SERPINB12: variants seen among roughly 807,000 people sequenced by gnomAD.
The protein encoded by SERPINB12 is serpin B12.
SERPINB12 carries 57 observed loss-of-function variants against 41.1 expected under a neutral mutation model. The observed-to-expected ratio is 1.39, with a 90% CI of 1.12 to 1.73. SERPINB12 has a LOEUF of 1.73. SERPINB12 is among the 40% of genes most tolerant of loss of function. The probability of loss-of-function intolerance (pLI) is 0.00; values close to 1 mark genes in which losing one functional copy is unlikely to be tolerated. For synonymous variants in SERPINB12, 180 were observed against 181.3 expected (o/e 0.99, Z 0.06); for missense variants, 536 against 501.9 (o/e 1.07, Z -0.65).
At chr18:63,527,547 AT>A in the SERPINB12 span, among the ~76,000 whole-genome samples, 2 of 151,920 alleles carry the variant, frequency 1.3e-5, no homozygotes, top group African/African-American at 2.4e-5. Flanking sequence ...TTGTGGCAAT[AT>A]TTTTTTTCCA....
At chr18:63,541,793 C>T (rs943711875), upstream of SERPINB12, among the ~76,000 whole-genome samples, 4 of 152,016 alleles carry the variant, frequency 2.6e-5, no homozygotes, top group Admixed American at 2.0e-4. Context: ...AGGGGAGAGA[C>T]ACCTTTTGTT....
chr18:63,546,863 G>C (rs954933701), intron 1 of SERPINB12, among the ~76,000 whole-genome samples: 1 of 152,104 alleles, frequency 6.6e-6, no homozygotes, highest in Non-Finnish European at 1.5e-5. Flanking sequence ...CAGAGGGAGG[G>C]GCAAAGTTGA....
intron 4 of SERPINB12, among the ~76,000 whole-genome samples, chr18:63,560,631 T>C (rs946382284): frequency 6.6e-6 from 1 of 152,240 alleles, no homozygotes; most frequent in Non-Finnish European, 1.5e-5. Context: ...ATTACTTACA[T>C]TCACAATGTT....
Position 63,558,466 on chromosome 18 carries a change from A to G in SERPINB12, c.283A>G (p.Thr95Ala), listed in dbSNP as rs1910756068. Residue 95 changes from threonine to alanine, a missense_variant, in exon 3 of 8, where the codon ACA becomes GCA. Coordinates refer to ENST00000382768, the MANE Select transcript of SERPINB12 (RefSeq NM_001307928.2). ...CTCTCTGGAGGGGCAGAAAAAAACG[A>G]CAGAGCCTCTGGATCAGCAGGTGAA... ...DSSLEGQKKT[T>A]EPLDQQAGSL... The G allele has an allele frequency of 1.2e-6, 2 of 1,613,208 alleles. No homozygotes were observed. Among genetic ancestry groups the G allele is most frequent in the Non-Finnish European group, 1.7e-6 (2 of 1,179,678 alleles).
rs1910291104 is a variant in SERPINB12 at position 63,542,433 on chromosome 18, T to TTTGAA, written c.-73_-69dup. On this transcript the variant is annotated 5_prime_UTR_variant, in exon 1 of 8. Coordinates refer to ENST00000382768, the MANE Select transcript of SERPINB12 (RefSeq NM_001307928.2). ...TGGTTCCTCCTCTGCTAGATTGATTTTTGAATTGACTTTATCAGAGCACAG... is the reference window on the plus strand; with the variant it reads ...TGGTTCCTCCTCTGCTAGATTGATTTTTGAATTGAATTGACTTTATCAGAGCACAG... Among the ~76,000 whole-genome samples, 1 of 152,184 alleles carries TTTGAA rather than the reference T, an allele frequency of 6.6e-6. No homozygotes were observed. The highest frequency in any genetic ancestry group is 6.5e-5 in the Admixed American group (1 of 15,284).
chr18:63,549,681 A>T (rs570850664), intron 1 of SERPINB12, among the ~76,000 whole-genome samples: 182 of 152,280 alleles, frequency 1.2e-3, no homozygotes, highest in African/African-American at 4.3e-3. Flanking sequence ...GACAAACTGG[A>T]GCTTGAGATG....
the SERPINB12 span, among the ~76,000 whole-genome samples, chr18:63,521,003 G>A: frequency 6.6e-6 from 1 of 152,208 alleles, no homozygotes; most frequent in Non-Finnish European, 1.5e-5. Context: ...TACATAAGTT[G>A]TTTTGAATTA....
intron 7 of SERPINB12, 112 bp from the exon 8 acceptor site, chr18:63,566,495 G>T (rs1006764872): frequency 1.9e-5 from 16 of 861,306 alleles, no homozygotes; most frequent in African/African-American, 6.8e-5. Flanking sequence ...TTAGGGAAAG[G>T]TCTTGAAGGT....
upstream of SERPINB12, among the ~76,000 whole-genome samples, chr18:63,539,469 AG>A (rs1267540828): frequency 7.2e-5 from 11 of 152,086 alleles, no homozygotes; most frequent in African/African-American, 2.7e-4. Flanking sequence ...TAGGAAGAGA[AG>A]GTTCTAGATA....
intron 1 of SERPINB12, among the ~76,000 whole-genome samples, chr18:63,555,036 C>G (rs1372847136): frequency 6.6e-6 from 1 of 152,102 alleles, no homozygotes; most frequent in African/African-American, 2.4e-5. Flanking sequence ...TGTAAGTTTC[C>G]TGAGGCTTCC....
upstream of SERPINB12, among the ~76,000 whole-genome samples, chr18:63,539,236 T>C (rs1391975733): frequency 6.6e-6 from 1 of 152,178 alleles, no homozygotes; most frequent in Admixed American, 6.6e-5. Flanking sequence ...TCAGTCAGAA[T>C]GGATAGGGGG....
chr18:63,547,410 C>T (rs1910413622), intron 1 of SERPINB12, among the ~76,000 whole-genome samples: 1 of 151,468 alleles, frequency 6.6e-6, no homozygotes, highest in South Asian at 2.1e-4. Context: ...GTATTGTTCA[C>T]AAGTATTTCT....
chr18:63,566,437 G>T (rs935407891), intron 7 of SERPINB12, among the ~76,000 whole-genome samples, 170 bp from the exon 8 acceptor site: 1 of 152,184 alleles, frequency 6.6e-6, no homozygotes, highest in African/African-American at 2.4e-5. Flanking sequence ...TTCTAAAGAG[G>T]AAAGATATTT....
Position 63,559,679 on chromosome 18 carries a change from C to G in SERPINB12, c.405C>G (p.Ala135=), listed in dbSNP as rs1040435367. The G allele has an allele frequency of 6.2e-7, 1 of 1,614,084 alleles. No individual in the cohort carries two copies. The highest frequency in any genetic ancestry group is 8.5e-7 in the Non-Finnish European group (1 of 1,179,970). ...RIKTDYTLSI[A]NRLYGEQEFP... is the part of the protein sequence containing the mutation. ...AGACTGATTACACACTGAGTATTGC[C>G]AACAGGCTTTATGGAGAGCAGGAAT... The change falls in exon 4 of 8, where the codon GCC becomes GCG. Residue 135 remains alanine, a synonymous_variant. Coordinates refer to ENST00000382768, the MANE Select transcript of SERPINB12 (RefSeq NM_001307928.2).
upstream of SERPINB12, among the ~76,000 whole-genome samples, chr18:63,539,500 A>G (rs908698262): frequency 1.3e-5 from 2 of 152,042 alleles, no homozygotes; most frequent in African/African-American, 4.8e-5. Flanking sequence ...GGGATATGGG[A>G]GGATTGTTTC....
intron 1 of SERPINB12, among the ~76,000 whole-genome samples, chr18:63,554,633 T>C (rs1192676496): frequency 6.6e-6 from 1 of 152,156 alleles, no homozygotes; most frequent in African/African-American, 2.4e-5. Context: ...AGTGGTGAGA[T>C]CTACATATTC....
At chr18:63,555,841 C>T (rs10469141) in intron 1 of SERPINB12, among the ~76,000 whole-genome samples, 88,072 of 151,976 alleles carry the variant, frequency 0.58, 27,661 homozygotes, top group Middle Eastern at 0.72. Flanking sequence ...TGATTTTGGA[C>T]GTTTGTCCCC....
intron 1 of SERPINB12, among the ~76,000 whole-genome samples, chr18:63,546,288 C>G (rs139042050): frequency 6.6e-6 from 1 of 152,144 alleles, no homozygotes; most frequent in Non-Finnish European, 1.5e-5. Flanking sequence ...CCTAGTTGCT[C>G]CACACTTTTT....
At chr18:63,538,537 G>A (rs545674757), upstream of SERPINB12, among the ~76,000 whole-genome samples, 56 of 152,146 alleles carry the variant, frequency 3.7e-4, no homozygotes, top group African/African-American at 1.3e-3. Context: ...ATTTTTAAAG[G>A]CCAAATAATA....
Sources: gnomAD v4.1 joint callset for allele counts (sites outside exome capture counted in the v4.1 genomes callset) on GRCh38, gnomAD v4.1.1 for gene constraint, MANE v1.5 for transcripts, NCBI Gene and HGNC (gene_info 2026-07-23, HGNC 2026-07-21) for gene names.